CNTNAP5: variants seen among roughly 807,000 people sequenced by gnomAD.
CNTNAP5 encodes the protein contactin-associated protein-like 5.
CNTNAP5 carries 72 observed loss-of-function variants against 150.2 expected under a neutral mutation model. That is an observed-to-expected ratio of 0.48 (90% CI 0.40 to 0.58). The LOEUF is 0.58. Ranked by LOEUF, CNTNAP5 falls within the 20% of genes least tolerant of loss-of-function variation. CNTNAP5 has a pLI of 0.00. For missense variants in CNTNAP5, 1,636 were observed against 1,626.2 expected, an observed-to-expected ratio of 1.01 and a Z score of -0.10; for synonymous variants, 672 against 619.8, an observed-to-expected ratio of 1.08 and a Z score of -1.25.
At chr2:124,786,468 G>A (rs965157447) in intron 17 of CNTNAP5, among the ~76,000 whole-genome samples, 65 of 115,918 alleles carry the variant, frequency 5.6e-4, no homozygotes, top group East Asian at 3.9e-3. Flanking sequence ...AGAAAGAAAG[G>A]AAGGAAGGAA....
At chr2:124,807,163 G>A (rs1682098614) in intron 19 of CNTNAP5, among the ~76,000 whole-genome samples, 1 of 152,122 alleles carries the variant, frequency 6.6e-6, no homozygotes, top group Non-Finnish European at 1.5e-5. Flanking sequence ...TCTCTGTGCA[G>A]TTAATTACCT....
At chr2:124,150,135 G>T (rs919044932) in intron 1 of CNTNAP5, among the ~76,000 whole-genome samples, 1 of 152,120 alleles carries the variant, frequency 6.6e-6, no homozygotes, top group Admixed American at 6.5e-5. Context: ...TTCTACAAGA[G>T]CGTGTGGATT....
At chr2:124,245,157 T>C (rs1686985914) in intron 3 of CNTNAP5, among the ~76,000 whole-genome samples, 1 of 152,220 alleles carries the variant, frequency 6.6e-6, no homozygotes, top group Non-Finnish European at 1.5e-5. Context: ...TTGCTAAATA[T>C]AAAAGTGTGA....
chr2:124,379,123 C>A (rs1690724826), intron 3 of CNTNAP5, among the ~76,000 whole-genome samples: 1 of 149,708 alleles, frequency 6.7e-6, no homozygotes, highest in Non-Finnish European at 1.5e-5. Context: ...ACTGAGGTAC[C>A]TTTTTTTTTG....
chr2:124,437,631 T>G (rs923643920), intron 5 of CNTNAP5, among the ~76,000 whole-genome samples: 3 of 152,214 alleles, frequency 2.0e-5, no homozygotes, highest in Admixed American at 1.3e-4. Flanking sequence ...TTTATCTTAG[T>G]TATTTATATG....
chr2:124,186,190 C>T (rs1390367019), intron 1 of CNTNAP5, among the ~76,000 whole-genome samples: 1 of 152,118 alleles, frequency 6.6e-6, no homozygotes, highest in African/African-American at 2.4e-5. Flanking sequence ...CATTGAGATC[C>T]ATCGATGTAG....
chr2:124,325,927 A>T (rs191179840), intron 3 of CNTNAP5, among the ~76,000 whole-genome samples: 1 of 152,212 alleles, frequency 6.6e-6, no homozygotes, highest in African/African-American at 2.4e-5. Context: ...GAGATGGCTC[A>T]GGGCTTTGTA....
intron 3 of CNTNAP5, among the ~76,000 whole-genome samples, chr2:124,363,266 G>C (rs995212821): frequency 6.6e-6 from 1 of 151,930 alleles, no homozygotes; most frequent in Non-Finnish European, 1.5e-5. Context: ...ATAGTCTGCT[G>C]TCAAATTTGT....
chr2:124,592,105 T>C (rs1467969517), intron 11 of CNTNAP5, among the ~76,000 whole-genome samples: 4 of 152,176 alleles, frequency 2.6e-5, no homozygotes, highest in Non-Finnish European at 5.9e-5. Flanking sequence ...ACATAGTTTA[T>C]TCAACTAGTC....
At chr2:124,841,099 G>T (rs895836451) in intron 19 of CNTNAP5, among the ~76,000 whole-genome samples, 4 of 152,044 alleles carry the variant, frequency 2.6e-5, no homozygotes, top group Non-Finnish European at 5.9e-5. Context: ...TGTGCTGTGG[G>T]TCAAGTTGCC....
At position 124,872,386 on chromosome 2, in the gene CNTNAP5, G is replaced by A. The variant is rs1451651955; in HGVS notation, c.3436+2624G>A. On this transcript the variant is annotated intron_variant, in intron 21 of 23. Coordinates refer to ENST00000682447, the MANE Select transcript of CNTNAP5 (RefSeq NM_001367498.1). ...TTGTTTCCTTATGCTGTGTGTGTGT[G>A]TGTGTGTGTGTGTGTGTGTGTGTGT... is the stretch of plus-strand genomic sequence containing the variant. 4.7e-5 allele frequency among the ~76,000 whole-genome samples: 7 copies of A among 147,658 alleles called. No homozygotes were observed. In the East Asian group the frequency reaches 9.8e-4, roughly 21 times the overall value.
intron 1 of CNTNAP5, among the ~76,000 whole-genome samples, chr2:124,178,112 G>A (rs1392030177): frequency 1.3e-5 from 2 of 152,100 alleles, no homozygotes; most frequent in Non-Finnish European, 2.9e-5. Flanking sequence ...CTCCCAAAGT[G>A]CTGGGATTAC....
At chr2:124,268,279 T>C (rs561943207) in intron 3 of CNTNAP5, among the ~76,000 whole-genome samples, 1 of 152,354 alleles carries the variant, frequency 6.6e-6, no homozygotes, top group South Asian at 2.1e-4. Flanking sequence ...TGTTTTGTTG[T>C]GTTTTCCCTT....
intron 12 of CNTNAP5, among the ~76,000 whole-genome samples, chr2:124,638,204 CATAT>C (rs1678012684): frequency 2.4e-5 from 1 of 42,434 alleles, no homozygotes; most frequent in Non-Finnish European, 9.5e-5. Flanking sequence ...ATATATAATA[CATAT>C]ATATGATACA....
intron 4 of CNTNAP5, among the ~76,000 whole-genome samples, chr2:124,430,415 G>A (rs867198330): frequency 2.0e-5 from 3 of 152,124 alleles, no homozygotes; most frequent in African/African-American, 7.2e-5. Context: ...GAATTGCAGG[G>A]CTTATGATGT....
At chr2:124,644,870 A>T (rs1370062579) in intron 12 of CNTNAP5, among the ~76,000 whole-genome samples, 2 of 150,836 alleles carry the variant, frequency 1.3e-5, no homozygotes, top group African/African-American at 4.9e-5. Flanking sequence ...AAGGGTTGTG[A>T]TGTCAGTTAT....
intron 3 of CNTNAP5, among the ~76,000 whole-genome samples, chr2:124,323,399 A>G (rs1689144154): frequency 6.6e-6 from 1 of 152,210 alleles, no homozygotes; most frequent in Non-Finnish European, 1.5e-5. Flanking sequence ...GCTTAGTACA[A>G]GTGAGAGAAT....
chr2:124,847,011 T>C (rs1012989301), intron 19 of CNTNAP5, among the ~76,000 whole-genome samples: 2 of 152,070 alleles, frequency 1.3e-5, no homozygotes, highest in Admixed American at 6.6e-5. Flanking sequence ...GGGTCTTTGG[T>C]TGTGTTTTTG....
intron 12 of CNTNAP5, among the ~76,000 whole-genome samples, chr2:124,611,746 G>T (rs1467679634): frequency 6.6e-6 from 1 of 152,166 alleles, no homozygotes; most frequent in African/African-American, 2.4e-5. Flanking sequence ...TAATTTGGCT[G>T]CAAATAAGGC....
Sources: allele counts gnomAD v4.1 joint callset (sites outside exome capture counted in the v4.1 genomes callset), GRCh38; gene constraint gnomAD v4.1.1; transcripts MANE v1.5; gene names NCBI Gene and HGNC (gene_info 2026-07-23, HGNC 2026-07-21).